The following SPIDR variants were observed in gnomAD, a reference collection of about 807,000 sequenced individuals.
The protein encoded by SPIDR is DNA repair-scaffolding protein.
A neutral mutation model predicts 104.6 loss-of-function variants in SPIDR; 93 were observed. The observed-to-expected ratio is 0.89, with a 90% CI of 0.75 to 1.06. The LOEUF (loss-of-function observed/expected upper bound fraction) is 1.06, where lower values mean the gene tolerates loss of function less well. SPIDR is among the 50% of genes least tolerant of loss of function. The probability of loss-of-function intolerance (pLI) is 0.00; values close to 1 mark genes in which losing one functional copy is unlikely to be tolerated. For synonymous variants in SPIDR, 431 were observed against 416.9 expected (o/e 1.03, Z -0.41); for missense variants, 1,154 against 1,111.2 (o/e 1.04, Z -0.55).
At chr8:47,290,286 A>C (rs2154237195) in intron 3 of SPIDR, among the ~76,000 whole-genome samples, 1 of 152,282 alleles carries the variant, frequency 6.6e-6, no homozygotes, top group Non-Finnish European at 1.5e-5. Context: ...TTTTAAAATG[A>C]CAAAATTACA....
At chr8:47,396,897 C>T (rs2061309908) in intron 6 of SPIDR, among the ~76,000 whole-genome samples, 1 of 152,056 alleles carries the variant, frequency 6.6e-6, no homozygotes. Flanking sequence ...TTGTTCTGTT[C>T]TTGAGTAACT....
At chr8:47,356,834 C>T (rs962527412) in intron 5 of SPIDR, among the ~76,000 whole-genome samples, 33 of 152,114 alleles carry the variant, frequency 2.2e-4, no homozygotes, top group African/African-American at 8.0e-4. Flanking sequence ...TTTTAAAATG[C>T]GTACAGTAAA....
chr8:47,346,920 T>A (rs1263051605), intron 5 of SPIDR, among the ~76,000 whole-genome samples: 1 of 152,126 alleles, frequency 6.6e-6, no homozygotes, highest in Non-Finnish European at 1.5e-5. Flanking sequence ...GATTCATTGA[T>A]TTTTTGAAGG....
At chr8:47,413,004 G>A (rs2063748550) in intron 7 of SPIDR, among the ~76,000 whole-genome samples, 1 of 152,180 alleles carries the variant, frequency 6.6e-6, no homozygotes, top group Non-Finnish European at 1.5e-5. Context: ...GTAATGATAT[G>A]AGAGAATGGC....
intron 8 of SPIDR, among the ~76,000 whole-genome samples, chr8:47,572,497 A>C (rs1276215651): frequency 1.3e-5 from 2 of 151,996 alleles, no homozygotes; most frequent in African/African-American, 4.8e-5. Flanking sequence ...CCCCATCTCT[A>C]CTAAAAATAC....
At chr8:47,673,333 CTTA>C in intron 10 of SPIDR, 1 of 449,136 alleles carries the variant, frequency 2.2e-6, no homozygotes, top group South Asian at 1.6e-5. Flanking sequence ...GAGAATGCCT[CTTA>C]TTGTTGTTCT....
chr8:47,592,366 A>G (rs976915889), intron 8 of SPIDR: 1 of 1,248,168 alleles, frequency 8.0e-7, no homozygotes, highest in Non-Finnish European at 1.2e-6. Context: ...CAACTTGTCT[A>G]CATTAGGATG....
intron 5 of SPIDR, among the ~76,000 whole-genome samples, chr8:47,323,674 T>G (rs999691108): frequency 6.6e-6 from 1 of 152,156 alleles, no homozygotes; most frequent in South Asian, 2.1e-4. Context: ...TGAAGATTGG[T>G]GAGTCATGGC....
At chr8:47,442,850 T>C (rs1188666180) in intron 8 of SPIDR, among the ~76,000 whole-genome samples, 2 of 152,230 alleles carry the variant, frequency 1.3e-5, no homozygotes, top group Non-Finnish European at 2.9e-5. Flanking sequence ...TCCTCCCACA[T>C]TGGCCTCCCA....
intron 14 of SPIDR, among the ~76,000 whole-genome samples, chr8:47,704,956 C>T (rs2080861854): frequency 6.6e-6 from 1 of 152,212 alleles, no homozygotes. Context: ...AGGGATGCCC[C>T]TGGCATCTGG....
chr8:47,639,338 A>G (rs957913987), intron 10 of SPIDR, among the ~76,000 whole-genome samples: 3 of 152,370 alleles, frequency 2.0e-5, no homozygotes, highest in Non-Finnish European at 4.4e-5. Context: ...ACCTCAGTGC[A>G]GCAAATTAAT....
chr8:47,263,609 G>T (rs866001041), intron 1 of SPIDR, among the ~76,000 whole-genome samples: 10 of 152,308 alleles, frequency 6.6e-5, no homozygotes, highest in African/African-American at 2.4e-4. Flanking sequence ...GTGAGCCACT[G>T]CGCCCGGCCA....
intron 3 of SPIDR, among the ~76,000 whole-genome samples, chr8:47,287,176 A>G (rs2039004487): frequency 6.6e-6 from 1 of 151,714 alleles, no homozygotes; most frequent in Non-Finnish European, 1.5e-5. Flanking sequence ...GGTCACAAAG[A>G]TCACATGCTT....
chr8:47,623,643 GCCATTA>G (rs1187528104), intron 10 of SPIDR, among the ~76,000 whole-genome samples: 1 of 152,180 alleles, frequency 6.6e-6, no homozygotes, highest in Non-Finnish European at 1.5e-5. Context: ...GACAAAGAAG[GCCATTA>G]CATAATGGTA....
chr8:47,307,302 C>T (rs1463148430), intron 5 of SPIDR, among the ~76,000 whole-genome samples: 1 of 151,210 alleles, frequency 6.6e-6, no homozygotes, highest in Non-Finnish European at 1.5e-5. Context: ...CTCACTGCAA[C>T]CTCTGCCTCC....
intron 5 of SPIDR, among the ~76,000 whole-genome samples, chr8:47,374,159 AAAAT>A (rs782817980): frequency 2.0e-5 from 3 of 152,274 alleles, no homozygotes; most frequent in Non-Finnish European, 2.9e-5. Flanking sequence ...ATTTTAGAAG[AAAAT>A]AAATAGATAA....
At chr8:47,424,486 C>CT (rs1306666105) in intron 7 of SPIDR, among the ~76,000 whole-genome samples, 108 of 151,810 alleles carry the variant, frequency 7.1e-4, no homozygotes, top group Non-Finnish European at 1.1e-3. Context: ...AAAAAAATTT[C>CT]TTTTTTTTCT....
At chr8:47,352,577 G>A (rs2053743368) in intron 5 of SPIDR, among the ~76,000 whole-genome samples, 1 of 152,124 alleles carries the variant, frequency 6.6e-6, no homozygotes. Flanking sequence ...TTTGTGGTTT[G>A]GATCTTGTTC....
At chr8:47,489,067 T>C (rs1162106689) in intron 8 of SPIDR, among the ~76,000 whole-genome samples, 2 of 152,232 alleles carry the variant, frequency 1.3e-5, no homozygotes, top group East Asian at 3.8e-4. Flanking sequence ...AAATTGTCCC[T>C]GTTTGCAGAT....
Sources: allele counts gnomAD v4.1 joint callset (sites outside exome capture counted in the v4.1 genomes callset), GRCh38; gene constraint gnomAD v4.1.1; transcripts MANE v1.5; gene names NCBI Gene and HGNC (gene_info 2026-07-23, HGNC 2026-07-21).